The following EFCAB5 variants were observed in gnomAD, a reference collection of about 807,000 sequenced individuals.
The protein encoded by EFCAB5 is EF-hand calcium binding domain 5, also known as EF-hand calcium-binding domain-containing protein 5.
In EFCAB5, 131 loss-of-function variants were observed where a neutral mutation model predicts 167.9. The ratio of observed to expected loss-of-function variants is 0.78; its 90% CI spans 0.68 to 0.90. The LOEUF (loss-of-function observed/expected upper bound fraction) is 0.90, where lower values mean the gene tolerates loss of function less well. EFCAB5 is among the 40% of genes least tolerant of loss of function. The probability of loss-of-function intolerance (pLI) is 0.00; values close to 1 mark genes in which losing one functional copy is unlikely to be tolerated. For missense variants in EFCAB5, 1,663 were observed against 1,745.2 expected (o/e 0.95, Z 0.84); for synonymous variants, 574 against 602.8 (o/e 0.95, Z 0.70).
chr17:29,963,614 A>T (rs567760014), intron 3 of EFCAB5, among the ~76,000 whole-genome samples: 1 of 152,328 alleles, frequency 6.6e-6, no homozygotes, highest in South Asian at 2.1e-4. Flanking sequence ...ATTTGGTAAG[A>T]GTTCATTTCA....
chr17:30,042,916 C>T (rs1034833433), intron 8 of EFCAB5, among the ~76,000 whole-genome samples: 3 of 152,014 alleles, frequency 2.0e-5, no homozygotes, highest in African/African-American at 4.8e-5. Context: ...ATTGGTTAAG[C>T]AGTACATTAA....
chr17:30,080,054 G>A lies in EFCAB5; in HGVS notation c.3028-18G>A, dbSNP rs760307270. On this transcript the variant is annotated intron_variant, in intron 15 of 22. Coordinates refer to ENST00000394835, the MANE Select transcript of EFCAB5 (RefSeq NM_198529.4). ...TTTGGCTGTTGGCAAACACATGGTC[G>A]GAAACGTTTTGCTGTAGGATGCTGA... The A allele has an allele frequency of 2.9e-5, 46 of 1,591,100 alleles. No homozygotes were observed. The highest frequency in any genetic ancestry group is 8.1e-5 in the African/African-American group (6 of 74,076).
intron 7 of EFCAB5, among the ~76,000 whole-genome samples, chr17:30,011,415 T>C (rs1293673899): frequency 1.3e-5 from 2 of 152,218 alleles, no homozygotes; most frequent in Non-Finnish European, 2.9e-5. Flanking sequence ...ATTTTCACGA[T>C]ATTGATTCTT....
At chr17:30,097,046 ATACATATATATATATT>A (rs2071309900) in intron 22 of EFCAB5, among the ~76,000 whole-genome samples, 1 of 86,054 alleles carries the variant, frequency 1.2e-5, no homozygotes, top group African/African-American at 5.7e-5. Context: ...ACATATACAT[ATACATATATATATATT>A]TTTTTTTTTT....
chr17:30,067,927 A>G (rs942390616), intron 14 of EFCAB5, among the ~76,000 whole-genome samples: 1 of 152,222 alleles, frequency 6.6e-6, no homozygotes, highest in African/African-American at 2.4e-5. Context: ...GATCTTATAT[A>G]TTAAAAAACC....
intron 8 of EFCAB5, among the ~76,000 whole-genome samples, chr17:30,043,755 G>T (rs1174678397): frequency 2.0e-5 from 3 of 152,130 alleles, no homozygotes; most frequent in Admixed American, 1.3e-4. Context: ...TATTGTTTCT[G>T]TCAAAGACTA....
intron 14 of EFCAB5, chr17:30,073,794 C>T (rs2070805975): frequency 1.9e-6 from 1 of 538,700 alleles, no homozygotes. Flanking sequence ...AGCACTGTGA[C>T]ACTCACCTGT....
At chr17:30,036,686 C>T (rs1293300025) in intron 8 of EFCAB5, among the ~76,000 whole-genome samples, 1 of 152,104 alleles carries the variant, frequency 6.6e-6, no homozygotes, top group South Asian at 2.1e-4. Flanking sequence ...CTTGGCCTCC[C>T]AAAGCCCTGG....
intron 7 of EFCAB5, among the ~76,000 whole-genome samples, chr17:30,002,205 T>C (rs2068677733): frequency 6.6e-6 from 1 of 152,188 alleles, no homozygotes; most frequent in Non-Finnish European, 1.5e-5. Context: ...TTGAAATAAT[T>C]ATATATTTAC....
chr17:30,040,002 C>G (rs1241898132), intron 8 of EFCAB5, among the ~76,000 whole-genome samples: 4 of 152,140 alleles, frequency 2.6e-5, no homozygotes, highest in African/African-American at 7.2e-5. Flanking sequence ...GATGTAAATG[C>G]TTGGTTAGAA....
intron 22 of EFCAB5, among the ~76,000 whole-genome samples, chr17:30,103,908 G>A (rs940706753): frequency 3.9e-5 from 6 of 152,190 alleles, no homozygotes; most frequent in African/African-American, 1.2e-4. Context: ...CTACTCAGGA[G>A]GCTGAGGCAG....
At chr17:29,950,791 G>A (rs2067493565) in intron 3 of EFCAB5, 5 of 152,136 alleles carry the variant, frequency 3.3e-5, no homozygotes, top group Admixed American at 3.3e-4. Flanking sequence ...TTTTCAGTAA[G>A]GTTTCTGGTC....
chr17:29,997,668 T>C (rs1040497110), intron 6 of EFCAB5, among the ~76,000 whole-genome samples: 15 of 152,172 alleles, frequency 9.9e-5, no homozygotes, highest in South Asian at 2.1e-4. Context: ...TGCATTTATA[T>C]GTAAAATAGA....
chr17:29,948,459 G>T (rs2067447443), intron 3 of EFCAB5, among the ~76,000 whole-genome samples: 1 of 152,046 alleles, frequency 6.6e-6, no homozygotes, highest in African/African-American at 2.4e-5. Context: ...ACAATGCGGT[G>T]TACTTATTTA....
At chr17:29,968,524 G>T in intron 3 of EFCAB5, 1 of 368,040 alleles carries the variant, frequency 2.7e-6, no homozygotes, top group Non-Finnish European at 5.0e-6. Flanking sequence ...TGATCATGAG[G>T]TACAAGCAAA....
At chr17:30,045,394 G>A (rs546916014) in intron 8 of EFCAB5, among the ~76,000 whole-genome samples, 10 of 149,792 alleles carry the variant, frequency 6.7e-5, no homozygotes, top group South Asian at 2.1e-4. Context: ...GGAGGCAGAG[G>A]TTGCAGTGAG....
At chr17:30,050,211 C>T (rs1471152746) in intron 8 of EFCAB5, among the ~76,000 whole-genome samples, 9 of 151,478 alleles carry the variant, frequency 5.9e-5, no homozygotes, top group African/African-American at 1.9e-4. Flanking sequence ...CTCTGTTCAC[C>T]GCAACCTCCG....
intron 4 of EFCAB5, among the ~76,000 whole-genome samples, chr17:29,983,516 T>C (rs1215196718): frequency 6.6e-6 from 1 of 152,228 alleles, no homozygotes; most frequent in African/African-American, 2.4e-5. Context: ...GAGACATGCA[T>C]ATAGGAATGG....
At chr17:30,104,617 G>C (rs574031494) in intron 22 of EFCAB5, among the ~76,000 whole-genome samples, 20 of 151,786 alleles carry the variant, frequency 1.3e-4, no homozygotes, top group African/African-American at 4.1e-4. Flanking sequence ...AAATTGCAAA[G>C]TCTGTGTGAG....
Sources: allele counts gnomAD v4.1 joint callset (sites outside exome capture counted in the v4.1 genomes callset), GRCh38; gene constraint gnomAD v4.1.1; transcripts MANE v1.5; gene names NCBI Gene and HGNC (gene_info 2026-07-23, HGNC 2026-07-21).